Variants in KHDRBS2 observed in about 807,000 individuals in gnomAD.
KHDRBS2 encodes the protein KH domain-containing, RNA-binding, signal transduction-associated protein 2.
Under a neutral mutation model 44.3 loss-of-function variants are expected in KHDRBS2, and 26 were observed. The ratio of observed to expected loss-of-function variants is 0.59; its 90% CI spans 0.43 to 0.81. The LOEUF (loss-of-function observed/expected upper bound fraction) is 0.81, where lower values mean the gene tolerates loss of function less well. Among genes scored for constraint, KHDRBS2 ranks in the 40% least tolerant of loss-of-function variants. KHDRBS2 has a pLI of 0.00. For synonymous variants in KHDRBS2, 194 were observed against 151.1 expected (o/e 1.28, Z -2.08); for missense variants, 476 against 433.1 (o/e 1.10, Z -0.88).
chr6:61,660,141 G>A, the KHDRBS2 span, among the ~76,000 whole-genome samples: 4 of 151,956 alleles, frequency 2.6e-5, no homozygotes, highest in South Asian at 2.1e-4. Flanking sequence ...AAACCAGGAC[G>A]TATGGTCACT....
chr6:61,856,957 A>G (rs1013787396), intron 6 of KHDRBS2, among the ~76,000 whole-genome samples: 3 of 152,130 alleles, frequency 2.0e-5, no homozygotes, highest in African/African-American at 7.2e-5. Context: ...GAACAGTTAT[A>G]AGATTGAAGA....
chr6:61,804,195 G>C (rs535616650), intron 6 of KHDRBS2, among the ~76,000 whole-genome samples: 211 of 152,012 alleles, frequency 1.4e-3, no homozygotes, highest in Admixed American at 4.0e-3. Context: ...CAAAACGAAG[G>C]GACTACCGGC....
chr6:61,945,119 A>ATGTATG lies in KHDRBS2; in HGVS notation c.483+32946_483+32947insCATACA, dbSNP rs1562490620. On this transcript the variant is annotated intron_variant, in intron 4 of 8. Coordinates refer to ENST00000281156, the MANE Select transcript of KHDRBS2 (RefSeq NM_152688.4). Reference sequence around the variant, plus strand: ...AAAAAAAAAAAAAAAAAAAGTATATATATATATATATATATATATATATAT... The same window carrying ATGTATG: ...AAAAAAAAAAAAAAAAAAAGTATATATGTATGTATATATATATATATATATATATAT... Among the ~76,000 whole-genome samples the ATGTATG allele has an allele frequency of 3.1e-5, 2 of 65,416 alleles. 1 individual carries two copies. The highest frequency in any genetic ancestry group is 6.0e-5 in the Non-Finnish European group (2 of 33,306). 42.9% of individuals were successfully genotyped at this position (65,416 alleles called of 152,430 possible).
intron 6 of KHDRBS2, among the ~76,000 whole-genome samples, chr6:61,845,544 T>C (rs1214567352): frequency 6.6e-6 from 1 of 152,100 alleles, no homozygotes; most frequent in East Asian, 1.9e-4. Context: ...CTCTTGACCT[T>C]GTGTCGGCCC....
At chr6:61,788,932 T>C (rs1330052915) in intron 6 of KHDRBS2, among the ~76,000 whole-genome samples, 1 of 151,352 alleles carries the variant, frequency 6.6e-6, no homozygotes, top group Non-Finnish European at 1.5e-5. Context: ...AAATTAGAGA[T>C]ACAATAGGCT....
chr6:61,688,809 G>A (rs936403916), intron 8 of KHDRBS2, among the ~76,000 whole-genome samples: 1 of 151,854 alleles, frequency 6.6e-6, no homozygotes, highest in Non-Finnish European at 1.5e-5. Context: ...AAAGATCTTA[G>A]TTAGTCTTTG....
chr6:61,609,392 G>A, the KHDRBS2 span, among the ~76,000 whole-genome samples: 1 of 152,098 alleles, frequency 6.6e-6, no homozygotes, highest in Non-Finnish European at 1.5e-5. Context: ...AAACATTAAA[G>A]TTATTTCAAA....
At chr6:61,823,035 C>A (rs1357525208) in intron 6 of KHDRBS2, among the ~76,000 whole-genome samples, 1 of 151,868 alleles carries the variant, frequency 6.6e-6, no homozygotes, top group Admixed American at 6.6e-5. Flanking sequence ...GACACAATGC[C>A]TAGGTTAACA....
intron 2 of KHDRBS2, among the ~76,000 whole-genome samples, chr6:62,049,300 CA>C (rs1208575628): frequency 6.6e-6 from 1 of 151,260 alleles, no homozygotes; most frequent in African/African-American, 2.4e-5. Context: ...TGAAAAAGAA[CA>C]AAACAAAACA....
At chr6:62,211,498 A>G (rs1183023489) in intron 1 of KHDRBS2, among the ~76,000 whole-genome samples, 1 of 152,198 alleles carries the variant, frequency 6.6e-6, no homozygotes. Context: ...CTATATTGTC[A>G]GTTGGGTCAC....
chr6:61,718,129 G>A (rs1342592833), intron 7 of KHDRBS2, among the ~76,000 whole-genome samples: 3 of 151,994 alleles, frequency 2.0e-5, no homozygotes, highest in Non-Finnish European at 4.4e-5. Context: ...AACACTTAGC[G>A]TAGCAGCTAG....
chr6:61,796,517 C>T (rs192942453), intron 6 of KHDRBS2, among the ~76,000 whole-genome samples: 5 of 151,970 alleles, frequency 3.3e-5, no homozygotes, highest in South Asian at 4.2e-4. Context: ...TTACAAACCT[C>T]GCTTTTGAGT....
intron 6 of KHDRBS2, among the ~76,000 whole-genome samples, chr6:61,883,198 A>C (rs1356859653): frequency 6.6e-6 from 1 of 152,030 alleles, no homozygotes; most frequent in Non-Finnish European, 1.5e-5. Flanking sequence ...ATAGCCTAAA[A>C]TATACAAATA....
At chr6:61,981,312 A>C (rs1350508975) in intron 3 of KHDRBS2, among the ~76,000 whole-genome samples, 1 of 152,190 alleles carries the variant, frequency 6.6e-6, no homozygotes, top group Non-Finnish European at 1.5e-5. Context: ...GCCCTTAATA[A>C]GAAATTATAA....
intron 8 of KHDRBS2, among the ~76,000 whole-genome samples, chr6:61,692,358 T>C (rs1171670200): frequency 2.0e-5 from 3 of 151,968 alleles, no homozygotes; most frequent in African/African-American, 7.2e-5. Context: ...TAATTAAATA[T>C]TTAATAAATA....
At chr6:61,567,880 AGCTGTGATC>A in the KHDRBS2 span, among the ~76,000 whole-genome samples, 1 of 152,076 alleles carries the variant, frequency 6.6e-6, no homozygotes, top group South Asian at 2.1e-4. Flanking sequence ...AGGGTGATCT[AGCTGTGATC>A]GCCAGGGATG....
chr6:62,064,878 C>G (rs1244697903), intron 2 of KHDRBS2, among the ~76,000 whole-genome samples: 1 of 149,730 alleles, frequency 6.7e-6, no homozygotes, highest in African/African-American at 2.4e-5. Context: ...TCGCAACCTA[C>G]TCATCTGACA....
At chr6:62,083,015 A>G (rs574010191) in intron 2 of KHDRBS2, among the ~76,000 whole-genome samples, 2 of 152,314 alleles carry the variant, frequency 1.3e-5, no homozygotes, top group Admixed American at 1.3e-4. Flanking sequence ...AGAAAAGGGC[A>G]GGGTCCCTGG....
At chr6:62,211,011 A>G (rs1828955560) in intron 1 of KHDRBS2, among the ~76,000 whole-genome samples, 1 of 152,098 alleles carries the variant, frequency 6.6e-6, no homozygotes, top group African/African-American at 2.4e-5. Context: ...TTTCCTTCCT[A>G]AATATACATA....
Sources: gnomAD v4.1 joint callset for allele counts (sites outside exome capture counted in the v4.1 genomes callset) on GRCh38, gnomAD v4.1.1 for gene constraint, MANE v1.5 for transcripts, NCBI Gene and HGNC (gene_info 2026-07-23, HGNC 2026-07-21) for gene names.